The following ARRDC5 variants were observed in gnomAD, a reference collection of about 807,000 sequenced individuals.
The protein encoded by ARRDC5 is arrestin domain-containing protein 5.
In ARRDC5, 12 loss-of-function variants were observed where a neutral mutation model predicts 13.3. The ratio of observed to expected loss-of-function variants is 0.90; its 90% confidence interval spans 0.58 to 1.46. ARRDC5 has a LOEUF of 1.46. ARRDC5 is among the 40% of genes most tolerant of loss of function. ARRDC5 has a pLI of 0.00. For missense variants in ARRDC5, 406 were observed against 418.7 expected (o/e 0.97, Z 0.26); for synonymous variants, 181 against 173.4 (o/e 1.04, Z -0.34).
intron 1 of ARRDC5, among the ~76,000 whole-genome samples, chr19:4,897,316 C>T (rs1045255858): frequency 1.3e-5 from 2 of 151,852 alleles, no homozygotes; most frequent in Non-Finnish European, 2.9e-5. Context: ...GCTTGTCTGT[C>T]CCTCCTGAGT....
upstream of ARRDC5, among the ~76,000 whole-genome samples, chr19:4,904,167 CTTTTTGTTTTTG>C (rs922644431): frequency 1.6e-4 from 24 of 151,212 alleles, no homozygotes; most frequent in African/African-American, 5.3e-4. Context: ...AATTTTTGTT[CTTTTTGTTTTTG>C]TTTTTGTTTT....
the ARRDC5 span, chr19:4,910,790 C>A: frequency 6.8e-7 from 1 of 1,464,740 alleles, no homozygotes; most frequent in East Asian, 2.4e-5. Flanking sequence ...ACAGGCCGGA[C>A]AAAAGCAACC....
At chr19:4,909,680 T>G in the ARRDC5 span, 1 of 512,194 alleles carries the variant, frequency 2.0e-6, no homozygotes, top group South Asian at 2.6e-5. Flanking sequence ...CGGGTCGGGG[T>G]GCCAGCCCGG....
the ARRDC5 span, among the ~76,000 whole-genome samples, chr19:4,915,871 G>T: frequency 1.7e-3 from 263 of 152,278 alleles, no homozygotes; most frequent in African/African-American, 6.1e-3. Context: ...GAATGTGCTG[G>T]AACAGATCCT....
the ARRDC5 span, chr19:4,911,073 G>A: frequency 6.7e-7 from 1 of 1,490,974 alleles, no homozygotes; most frequent in South Asian, 1.4e-5. Flanking sequence ...TTCTATGCCT[G>A]GTCCAGGCCT....
chr19:4,904,495 A>G (rs1240292981), upstream of ARRDC5, among the ~76,000 whole-genome samples: 1 of 151,800 alleles, frequency 6.6e-6, no homozygotes, highest in East Asian at 1.9e-4. Context: ...TGTTATTTTT[A>G]GTAGAGACAG....
In ARRDC5 at chr19:4,896,762, G is replaced by A. The variant is rs200747601; in HGVS notation, c.368C>T (p.Ser123Phe). 1.2e-4 allele frequency: 191 copies of A among 1,613,654 alleles called. No individual in the cohort carries two copies. Among genetic ancestry groups the A allele is most frequent in the South Asian group, 5.5e-5 (5 of 91,082 alleles). ...FGHVFYFVQA[S>F]CMGREHILAK... ...TAAAATGTGTTCCCTGCCCATGCAG[G>A]AAGCTTGTACGAAATAGAAGACATG... Residue 123 changes from serine to phenylalanine, a missense_variant, in exon 2 of 3, where the codon TCC becomes TTC. By Grantham distance (155) the Ser-to-Phe change is radical. Coordinates refer to ENST00000650722, the MANE Select transcript of ARRDC5 (RefSeq NM_001080523.3).
intron 1 of ARRDC5, among the ~76,000 whole-genome samples, chr19:4,899,031 C>T (rs2031824355): frequency 6.6e-6 from 1 of 152,158 alleles, no homozygotes. Flanking sequence ...AAACCTGGAA[C>T]AGGCATGGTG....
chr19:4,899,910 C>T (rs1010664969), intron 1 of ARRDC5, among the ~76,000 whole-genome samples: 9 of 150,220 alleles, frequency 6.0e-5, no homozygotes, highest in Middle Eastern at 3.5e-3. Context: ...CTGCACTCCA[C>T]GCTGGGCGAC....
chr19:4,894,280 G>C (rs1192287982), intron 2 of ARRDC5, among the ~76,000 whole-genome samples: 2 of 150,712 alleles, frequency 1.3e-5, no homozygotes. Context: ...GGGAGGCCGA[G>C]GCGGGCGGAT....
chr19:4,903,100 C>T (rs1343550193), upstream of ARRDC5: 3 of 422,570 alleles, frequency 7.1e-6, no homozygotes, highest in Non-Finnish European at 1.3e-5. Flanking sequence ...CATCTTGGCT[C>T]ACTGCAACCT....
At position 4,896,446 on chromosome 19, in the gene ARRDC5, C is replaced by T. The variant is rs978603606; in HGVS notation, c.459+225G>A. 2.0e-4 allele frequency among the ~76,000 whole-genome samples: 30 copies of T among 150,522 alleles called. 1 individual carries two copies. Among genetic ancestry groups the T allele is most frequent in the Admixed American group, 1.8e-3 (27 of 14,976 alleles). ...TTTTAGAGACAGGGTCTCACTCTGT[C>T]GCCCAGGCTGGAGTGCAGTGGTGCA... is the stretch of plus-strand genomic sequence containing the variant. On this transcript the variant is annotated intron_variant, in intron 2 of 2. Transcript: ENST00000650722.
chr19:4,915,890 CTG>C, the ARRDC5 span, among the ~76,000 whole-genome samples: 1 of 152,276 alleles, frequency 6.6e-6, no homozygotes, highest in East Asian at 1.9e-4. Flanking sequence ...CTTACGTGCG[CTG>C]TGTTGGAGTC....
rs1442218226 is a variant in ARRDC5 at position 4,896,344 on chromosome 19, ATATATTT to A, written c.459+320_459+326del. 9.4e-3 allele frequency among the ~76,000 whole-genome samples: 680 copies of A among 72,494 alleles called. 26 individuals are homozygous for A. The highest frequency in any genetic ancestry group is 0.013 in the Non-Finnish European group (535 of 41,450). 47.6% of individuals were successfully genotyped at this position (72,494 alleles called of 152,430 possible). A position where few individuals can be genotyped will look rare whatever the true frequency, so the allele number is the denominator to read the frequency against. On this transcript the variant is annotated intron_variant, in intron 2 of 2. Coordinates refer to ENST00000650722, the MANE Select transcript of ARRDC5 (RefSeq NM_001080523.3). ...AAAAAAAAAAAATATATATATATAT[ATATATTT>A]TTTTTTTTTTACACACACACACACA...
chr19:4,899,626 G>A (rs1438694668), intron 1 of ARRDC5, among the ~76,000 whole-genome samples: 1 of 149,038 alleles, frequency 6.7e-6, no homozygotes, highest in Non-Finnish European at 1.5e-5. Context: ...AGTAAAGACT[G>A]TCTCTTAAAA....
intron 2 of ARRDC5, among the ~76,000 whole-genome samples, chr19:4,896,313 CAAAA>C (rs559677827): frequency 0.12 from 6,424 of 51,540 alleles, 506 homozygotes; most frequent in African/African-American, 0.16. Context: ...GACTGCATCT[CAAAA>C]AAAAAAAAAA....
upstream of ARRDC5, chr19:4,903,242 T>A: frequency 5.3e-6 from 1 of 187,388 alleles, no homozygotes; most frequent in Non-Finnish European, 1.1e-5. Flanking sequence ...ATGGTCTCGA[T>A]CTCCTGACCT....
At chr19:4,909,263 G>A in the ARRDC5 span, 1 of 525,150 alleles carries the variant, frequency 1.9e-6, no homozygotes, top group Non-Finnish European at 3.3e-6. Context: ...TGCGGGGGGT[G>A]ACCAGGCCCT....
chr19:4,906,733 C>G (rs2032071484), upstream of ARRDC5, among the ~76,000 whole-genome samples: 1 of 151,922 alleles, frequency 6.6e-6, no homozygotes. Flanking sequence ...AGGCTGGGCA[C>G]CAAAGCAAGA....
Sources: gnomAD v4.1 joint callset for allele counts (sites outside exome capture counted in the v4.1 genomes callset) on GRCh38, gnomAD v4.1.1 for gene constraint, MANE v1.5 for transcripts, NCBI Gene and HGNC (gene_info 2026-07-23, HGNC 2026-07-21) for gene names.